The following ITGA8 variants were observed in gnomAD, a reference collection of about 807,000 sequenced individuals.
ITGA8 encodes the protein integrin subunit alpha 8.
ITGA8 carries 91 observed loss-of-function variants against 142.3 expected under a neutral mutation model. The observed-to-expected ratio is 0.64, with a 90% CI of 0.54 to 0.76. ITGA8 has a LOEUF of 0.76. ITGA8 is among the 30% of genes least tolerant of loss of function. ITGA8 has a pLI of 0.00. For synonymous variants in ITGA8, 505 were observed against 485.2 expected (o/e 1.04, Z -0.54); for missense variants, 1,406 against 1,327.7 (o/e 1.06, Z -0.92).
chr10:15,683,858 G>C, intron 4 of ITGA8, 146 bp downstream of exon 4: 1 of 782,348 alleles, frequency 1.3e-6, no homozygotes, highest in Non-Finnish European at 2.0e-6. Flanking sequence ...ACACCTGTAA[G>C]GCTGACAAAA....
intron 23 of ITGA8, among the ~76,000 whole-genome samples, chr10:15,586,211 A>AG (rs1832828384): frequency 6.6e-6 from 1 of 151,570 alleles, no homozygotes; most frequent in Non-Finnish European, 1.5e-5. Context: ...GGTACCCACA[A>AG]CCACGCCTGG....
rs900465040 is a variant in ITGA8 at position 15,526,710 on chromosome 10, A to G, written c.2982+4340T>C. On this transcript the variant is annotated intron_variant, in intron 28 of 29. Transcript: ENST00000378076. ...TTTTATTTATCAAGTACTTCTAGCT[A>G]TTTTAAAAATAGCTTTAAGTAAGTT... is the stretch of plus-strand genomic sequence containing the variant. 7.2e-5 allele frequency among the ~76,000 whole-genome samples: 11 copies of G among 152,336 alleles called. No individual in the cohort carries two copies. The East Asian group carries it at 1.9e-3, about 27-fold the overall frequency.
chr10:15,702,025 C>A (rs553373778), intron 2 of ITGA8, among the ~76,000 whole-genome samples: 4 of 152,280 alleles, frequency 2.6e-5, no homozygotes, highest in Non-Finnish European at 5.9e-5. Flanking sequence ...AGAAAAGGAC[C>A]TGGATTGATT....
intron 2 of ITGA8, among the ~76,000 whole-genome samples, chr10:15,695,537 T>C (rs1467416701): frequency 6.6e-6 from 1 of 152,212 alleles, no homozygotes; most frequent in Admixed American, 6.5e-5. Flanking sequence ...GTCAACCTAG[T>C]GCTCAATGAA....
At chr10:15,716,752 C>G (rs745749900) in intron 2 of ITGA8, among the ~76,000 whole-genome samples, 1 of 147,270 alleles carries the variant, frequency 6.8e-6, no homozygotes, top group Non-Finnish European at 1.5e-5. Flanking sequence ...CTAACTGCAA[C>G]CTCTCCCTCC....
intron 26 of ITGA8, among the ~76,000 whole-genome samples, chr10:15,549,924 G>A (rs1833764654): frequency 6.6e-6 from 1 of 152,192 alleles, no homozygotes; most frequent in African/African-American, 2.4e-5. Context: ...AGGCACGTGG[G>A]TGGACTGTCC....
intron 2 of ITGA8, among the ~76,000 whole-genome samples, chr10:15,696,694 T>C (rs1835058440): frequency 6.6e-6 from 1 of 152,012 alleles, no homozygotes; most frequent in Admixed American, 6.6e-5. Flanking sequence ...ATTGTTTCAG[T>C]ATTTTGTTCA....
rs3041564 is a variant in ITGA8, at chr10:15,591,405, ATATATTATATTATAT to A, written c.2291+805_2291+819del. On this transcript the variant is annotated intron_variant, in intron 22 of 29. Transcript: ENST00000378076. ...GGAATATTTCATGAGCTGTATTAAT[ATATATTATATTATAT>A]TATATTATATTATATTATATTATAT... 5.9e-3 allele frequency among the ~76,000 whole-genome samples: 852 copies of A among 143,746 alleles called. 5 individuals carry two copies. The highest frequency in any genetic ancestry group is 0.015 in the Middle Eastern group (4 of 270). The allele number at this position is 143,746 out of a possible 152,430, so 94.3% of individuals were successfully genotyped here.
At chr10:15,679,568 C>G (rs1834697622) in intron 4 of ITGA8, among the ~76,000 whole-genome samples, 1 of 152,138 alleles carries the variant, frequency 6.6e-6, no homozygotes, top group Non-Finnish European at 1.5e-5. Flanking sequence ...GGTGACAGAG[C>G]AAGACTCCAA....
chr10:15,690,846 C>T (rs1027983550), intron 2 of ITGA8, among the ~76,000 whole-genome samples: 9 of 151,846 alleles, frequency 5.9e-5, no homozygotes, highest in African/African-American at 1.9e-4. Flanking sequence ...AGCCAATGCA[C>T]GCTACCCAAC....
intron 26 of ITGA8, among the ~76,000 whole-genome samples, chr10:15,555,548 C>T (rs144693879): frequency 6.6e-6 from 1 of 152,160 alleles, no homozygotes; most frequent in Non-Finnish European, 1.5e-5. Context: ...TTCACAGTTT[C>T]CGGGATGAAC....
intron 4 of ITGA8, among the ~76,000 whole-genome samples, chr10:15,679,801 C>T (rs2131697796): frequency 6.6e-6 from 1 of 152,194 alleles, no homozygotes; most frequent in East Asian, 1.9e-4. Flanking sequence ...CAGGCCAACA[C>T]GTTGATTTCA....
At chr10:15,568,685 T>A (rs1834121969) in intron 25 of ITGA8, among the ~76,000 whole-genome samples, 1 of 152,194 alleles carries the variant, frequency 6.6e-6, no homozygotes, top group South Asian at 2.1e-4. Flanking sequence ...TTAAATGGTG[T>A]TTCAGTTCTC....
At chr10:15,712,046 A>G (rs1306648670) in intron 2 of ITGA8, among the ~76,000 whole-genome samples, 5 of 152,204 alleles carry the variant, frequency 3.3e-5, no homozygotes, top group Non-Finnish European at 5.9e-5. Flanking sequence ...TAGCTTGCAT[A>G]TCTTAAATCT....
At chr10:15,597,946 A>T (rs539601231) in intron 20 of ITGA8, among the ~76,000 whole-genome samples, 4 of 152,286 alleles carry the variant, frequency 2.6e-5, no homozygotes, top group Admixed American at 6.5e-5. Context: ...ACAAATTCTC[A>T]AGGTTGAACA....
chr10:15,642,307 G>A (rs893087004), intron 13 of ITGA8, among the ~76,000 whole-genome samples: 5 of 152,098 alleles, frequency 3.3e-5, no homozygotes, highest in Non-Finnish European at 5.9e-5. Context: ...TTTAGCCTTG[G>A]AAGGAAGTCA....
chr10:15,641,849 G>A (rs1213513410), intron 13 of ITGA8, among the ~76,000 whole-genome samples: 3 of 152,166 alleles, frequency 2.0e-5, no homozygotes, highest in East Asian at 1.9e-4. Context: ...AGAGGTAATC[G>A]GCTGATGTGG....
chr10:15,637,303 A>G (rs1208879478), intron 13 of ITGA8, among the ~76,000 whole-genome samples: 1 of 152,146 alleles, frequency 6.6e-6, no homozygotes. Flanking sequence ...ATTTGACAGC[A>G]TTTTGTAAAA....
chr10:15,683,876 C>T (rs1184724810), intron 4 of ITGA8, 128 bp downstream of exon 4: 1 of 1,025,968 alleles, frequency 9.7e-7, no homozygotes, highest in East Asian at 2.4e-5. Context: ...AAAATCTTTA[C>T]CTACCCCCGA....
Sources: allele counts gnomAD v4.1 joint callset (sites outside exome capture counted in the v4.1 genomes callset), GRCh38; gene constraint gnomAD v4.1.1; transcripts MANE v1.5; gene names NCBI Gene and HGNC (gene_info 2026-07-23, HGNC 2026-07-21).